Variants in PITPNM2 observed in about 807,000 individuals in gnomAD.
PITPNM2 encodes phosphatidylinositol transfer protein membrane associated 2.
Under a neutral mutation model 132.2 loss-of-function variants are expected in PITPNM2, and 35 were observed. The ratio of observed to expected loss-of-function variants is 0.26; its 90% CI spans 0.20 to 0.35. PITPNM2 has a LOEUF of 0.35. PITPNM2 is among the 10% of genes least tolerant of loss of function. The probability of loss-of-function intolerance (pLI) is 1.00; values close to 1 mark genes in which losing one functional copy is unlikely to be tolerated. For synonymous variants in PITPNM2, 738 were observed against 799.2 expected (o/e 0.92, Z 1.29); for missense variants, 1,332 against 1,912.0 (o/e 0.70, Z 5.66).
chr12:123,129,163 T>G (rs2043209360), intron 1 of PITPNM2, among the ~76,000 whole-genome samples: 1 of 151,106 alleles, frequency 6.6e-6, no homozygotes, highest in Non-Finnish European at 1.5e-5. Context: ...AGGCTAGGCA[T>G]GGTGGCGCAC....
chr12:122,986,658 CA>C lies in PITPNM2; in HGVS notation c.3584del (p.Leu1195ArgfsTer61). The C allele has an allele frequency of 6.2e-7, 1 of 1,612,956 alleles. No homozygotes were observed. The highest frequency in any genetic ancestry group is 8.5e-7 in the Non-Finnish European group (1 of 1,179,678). On this transcript the variant is annotated frameshift_variant, in exon 24 of 26. Coordinates refer to ENST00000320201, the MANE Select transcript of PITPNM2 (RefSeq NM_020845.3). LOFTEE classifies it high-confidence loss of function. ...PLRHKANFLK[L>X]LISELHLRVH... ...TCCCGGGCCCCACCTCGGAGATGAG[CA>C]GCTTCAGGAAGTTGGCCTTGTGCCG...
At chr12:123,041,449 T>C (rs1176244526) in intron 2 of PITPNM2, among the ~76,000 whole-genome samples, 1 of 152,072 alleles carries the variant, frequency 6.6e-6, no homozygotes, top group Non-Finnish European at 1.5e-5. Flanking sequence ...TGGGGTGAGA[T>C]AGGGTCCTCC....
chr12:123,113,282 T>A (rs930812039), intron 1 of PITPNM2, among the ~76,000 whole-genome samples: 6 of 152,134 alleles, frequency 3.9e-5, no homozygotes, highest in Non-Finnish European at 8.8e-5. Flanking sequence ...GACCCATACG[T>A]ATGGTAGGTG....
In PITPNM2 at chr12:123,046,727, A is replaced by ACTTTT. The variant is rs1461463007; in HGVS notation, c.-95-12043_-95-12042insAAAAG. Among the ~76,000 whole-genome samples, 379 of 152,284 alleles carry ACTTTT rather than the reference A, an allele frequency of 2.5e-3. 2 individuals are homozygous for ACTTTT. Among genetic ancestry groups the ACTTTT allele is most frequent in the African/African-American group, 8.8e-3 (367 of 41,544 alleles). On this transcript the variant is annotated intron_variant, in intron 2 of 25. Coordinates refer to ENST00000320201, the MANE Select transcript of PITPNM2 (RefSeq NM_020845.3). ...CTGTGTCTGGGCTTTTTCACTTGGC[A>ACTTTT]TCATGTTTTTGAGGTTCATGTTGTA...
In PITPNM2 at chr12:123,127,785, AT is replaced by A. The variant is rs1224802840; in HGVS notation, c.-199-17298del. On this transcript the variant is annotated intron_variant, in intron 1 of 25. Transcript: ENST00000320201. ...CCACCACGCCTGGCTAATTTTTTGT[AT>A]TTTTAGTAGAGACGGGGTTTCACCG... 2.6e-5 allele frequency among the ~76,000 whole-genome samples: 4 copies of A among 151,692 alleles called. No individual in the cohort carries two copies. In the East Asian group the frequency reaches 7.8e-4, roughly 30 times the overall value.
intron 2 of PITPNM2, chr12:123,092,128 C>T (rs1429051999): frequency 6.6e-6 from 1 of 152,270 alleles, no homozygotes; most frequent in Non-Finnish European, 1.5e-5. Context: ...GTGGGTACGA[C>T]AGGCCCCACT....
At chr12:123,066,266 A>G (rs585522) in intron 2 of PITPNM2, among the ~76,000 whole-genome samples, 115,347 of 152,000 alleles carry the variant, frequency 0.76, 43,929 homozygotes, top group East Asian at 0.85. Context: ...AAGATCGAGC[A>G]AGGGGAGGGC....
intron 16 of PITPNM2, among the ~76,000 whole-genome samples, chr12:122,991,541 C>G (rs1381277796): frequency 6.6e-6 from 1 of 152,210 alleles, no homozygotes; most frequent in Non-Finnish European, 1.5e-5. Context: ...TGCTGCGCCC[C>G]TTTGCTTTGG....
intron 11 of PITPNM2, 48 bp from the exon 12 acceptor site, chr12:122,996,958 C>T: frequency 6.8e-7 from 1 of 1,468,910 alleles, no homozygotes; most frequent in Non-Finnish European, 9.1e-7. Context: ...CCAGCTCAGC[C>T]CAAAGGGCCC....
rs1005202207 is a variant in PITPNM2, at chr12:122,993,274, C to G, written c.2234-605G>C. On this transcript the variant is annotated intron_variant, in intron 15 of 25. Coordinates refer to ENST00000320201, the MANE Select transcript of PITPNM2 (RefSeq NM_020845.3). This position sits in a 1 kb window ranked among gnomAD's most constrained non-coding sequence, Gnocchi z 5.2. ...CCAGCTCATCTTGCGGGAGCACCAC[C>G]GAGTGCTGGCTAGGGCAGCCCTGCC... Among the ~76,000 whole-genome samples the G allele has an allele frequency of 6.6e-6, 1 of 152,198 alleles. No individual in the cohort carries two copies. The highest frequency in any genetic ancestry group is 6.5e-5 in the Admixed American group (1 of 15,280).
intron 5 of PITPNM2, 113 bp from the exon 6 acceptor site, chr12:123,010,190 A>G: frequency 1.2e-6 from 1 of 860,284 alleles, no homozygotes; most frequent in Non-Finnish European, 1.8e-6. Context: ...TTGCCCTGCC[A>G]GAGGGACCCT....
At chr12:123,103,896 T>TTTTATTTATTTATTTA (rs113942958) in intron 2 of PITPNM2, among the ~76,000 whole-genome samples, 2 of 149,820 alleles carry the variant, frequency 1.3e-5, no homozygotes, top group African/African-American at 5.1e-5. Flanking sequence ...TATTTTGTTA[T>TTTTATTTATTTATTTA]TTTATTTATT....
chr12:123,132,005 T>C (rs551759376), intron 1 of PITPNM2, among the ~76,000 whole-genome samples: 1 of 152,368 alleles, frequency 6.6e-6, no homozygotes, highest in East Asian at 1.9e-4. Flanking sequence ...ATTCAGGCTG[T>C]CTGCATGAGG....
intron 2 of PITPNM2, among the ~76,000 whole-genome samples, chr12:123,043,119 A>G (rs1276561910): frequency 6.6e-6 from 1 of 151,868 alleles, no homozygotes; most frequent in African/African-American, 2.4e-5. Context: ...TGAAGAAAGG[A>G]TTTCTGGGCT....
In PITPNM2 at chr12:123,031,906, G is replaced by A. The variant is rs1432032325; in HGVS notation, c.78+2607C>T. Reference sequence around the variant, plus strand: ...CAGCAATGACTCCAGCTAGCCCTTAGAGGCCACAGTGTCTCTGCCTAGCTG... The same window carrying A: ...CAGCAATGACTCCAGCTAGCCCTTAAAGGCCACAGTGTCTCTGCCTAGCTG... On this transcript the variant is annotated intron_variant, in intron 3 of 25. Coordinates refer to ENST00000320201, the MANE Select transcript of PITPNM2 (RefSeq NM_020845.3). This position sits in a 1 kb window ranked among gnomAD's most constrained non-coding sequence, Gnocchi z 4.5. Among the ~76,000 whole-genome samples, 1 of 152,210 alleles carries A rather than the reference G, an allele frequency of 6.6e-6. No individual in the cohort carries two copies. Among genetic ancestry groups the A allele is most frequent in the Non-Finnish European group, 1.5e-5 (1 of 68,036 alleles).
chr12:123,005,703 C>T lies in PITPNM2; in HGVS notation c.644-155G>A. 1.5e-6 allele frequency: 1 copy of T among 682,074 alleles called. No homozygotes were observed. Among genetic ancestry groups the T allele is most frequent in the Non-Finnish European group, 2.5e-6 (1 of 407,668 alleles). 42.3% of individuals were successfully genotyped at this position (682,074 alleles called of 1,614,324 possible). On this transcript the variant is annotated intron_variant, in intron 6 of 25. Transcript: ENST00000320201. This position sits in a 1 kb window ranked among gnomAD's most constrained non-coding sequence, Gnocchi z 6.2. ...ACTGCCTGTCTGTGCCTCAGTTTCC[C>T]CATTTGTAAAATAAGGGGACTGGCT... is the stretch of plus-strand genomic sequence containing the variant.
intron 2 of PITPNM2, among the ~76,000 whole-genome samples, chr12:123,094,865 T>C (rs1306117276): frequency 2.6e-5 from 4 of 152,140 alleles, no homozygotes; most frequent in African/African-American, 9.7e-5. Context: ...AAACATCACA[T>C]CTACCCCCAG....
intron 8 of PITPNM2, among the ~76,000 whole-genome samples, 187 bp from the exon 9 acceptor site, chr12:123,001,345 G>A (rs986403914): frequency 6.6e-6 from 1 of 152,170 alleles, no homozygotes; most frequent in Non-Finnish European, 1.5e-5. Context: ...CATAAGAAAA[G>A]TCACCATTTA....
Position 122,993,447 on chromosome 12 carries a change from T to C in PITPNM2, c.2234-778A>G, listed in dbSNP as rs145555293. Among the ~76,000 whole-genome samples the C allele has an allele frequency of 1.7e-4, 26 of 152,356 alleles. No homozygotes were observed. The East Asian group carries it at 4.6e-3, about 27-fold the overall frequency. On this transcript the variant is annotated intron_variant, in intron 15 of 25. Coordinates refer to ENST00000320201, the MANE Select transcript of PITPNM2 (RefSeq NM_020845.3). This position sits in a 1 kb window ranked among gnomAD's most constrained non-coding sequence, Gnocchi z 5.2. ...TTAGAGGGACATAAACCAGAACATA[T>C]GCTATGCCTTCTGAACTTTGCCTTT...
Sources: allele counts gnomAD v4.1 joint callset (sites outside exome capture counted in the v4.1 genomes callset), GRCh38; gene constraint gnomAD v4.1.1; non-coding constraint Gnocchi (gnomAD v3.1); transcripts MANE v1.5; gene names NCBI Gene and HGNC (gene_info 2026-07-23, HGNC 2026-07-21).